LRRFIP2: variants seen among roughly 807,000 people sequenced by gnomAD.
LRRFIP2 encodes leucine-rich repeat flightless-interacting protein 2.
Under a neutral mutation model 125.9 loss-of-function variants are expected in LRRFIP2, and 109 were observed. The ratio of observed to expected loss-of-function variants is 0.87; its 90% CI spans 0.74 to 1.01. The LOEUF (loss-of-function observed/expected upper bound fraction) is 1.01. LRRFIP2 is among the 50% of genes least tolerant of loss of function. The pLI is 0.00. For missense variants in LRRFIP2, 850 were observed against 862.3 expected (o/e 0.99, Z 0.18); for synonymous variants, 291 against 293.1 (o/e 0.99, Z 0.07).
rs545032571 is a variant in LRRFIP2, at chr3:37,165,057, A to C, written c.-56+9482T>G. Among the ~76,000 whole-genome samples the C allele has an allele frequency of 3.3e-5, 5 of 151,930 alleles. No individual in the cohort carries two copies. In the East Asian group the frequency reaches 9.8e-4, roughly 30 times the overall value. On this transcript the variant is annotated intron_variant, in intron 1 of 27. Coordinates refer to ENST00000336686, the MANE Select transcript of LRRFIP2 (RefSeq NM_006309.4). ...GAGACCATCCTGGCTAACATGGTGA[A>C]ACCCCATCTCTACTAAAAATACAAA...
rs2093545431 is a variant in LRRFIP2, at chr3:37,093,070, C to A, written c.1036-1532G>T. 4 of 152,328 alleles carry A rather than the reference C, an allele frequency of 2.6e-5. No homozygotes were observed. In the South Asian group the frequency reaches 8.3e-4, roughly 32 times the overall value. 9.4% of individuals were successfully genotyped at this position (152,328 alleles called of 1,614,324 possible). On this transcript the variant is annotated intron_variant, in intron 17 of 27. Transcript: ENST00000336686. ...GGCCAGGCTGGTCTCAAACTCCTGA[C>A]CTCGTGATCCACCTGCCTTGGCCTC...
chr3:37,090,650 C>T (rs998200649), intron 18 of LRRFIP2, among the ~76,000 whole-genome samples: 2 of 152,140 alleles, frequency 1.3e-5, no homozygotes, highest in Admixed American at 6.5e-5. Context: ...GCATGATAAC[C>T]AAATGCTATG....
At chr3:37,072,152 A>T (rs1199544529) in intron 21 of LRRFIP2, among the ~76,000 whole-genome samples, 2 of 152,190 alleles carry the variant, frequency 1.3e-5, no homozygotes, top group East Asian at 1.9e-4. Flanking sequence ...TAACGTAAGG[A>T]TATCAAGTTA....
intron 15 of LRRFIP2, among the ~76,000 whole-genome samples, chr3:37,098,784 T>A (rs1272928283): frequency 6.6e-6 from 1 of 152,230 alleles, no homozygotes; most frequent in African/African-American, 2.4e-5. Context: ...CAATATTTAA[T>A]GTATTATTCT....
In LRRFIP2 at chr3:37,121,919, CT is replaced by C. The variant is rs201185006; in HGVS notation, c.229-229del. Among the ~76,000 whole-genome samples the C allele has an allele frequency of 6.3e-4, 86 of 136,200 alleles. 1 individual carries two copies. The highest frequency in any genetic ancestry group is 1.3e-3 in the African/African-American group (49 of 36,778). The allele number at this position is 136,200 out of a possible 152,430, so 89.4% of individuals were successfully genotyped here. The stretch of plus-strand genomic sequence containing the variant: ...CAATATAGCAGTACTAGTTTTCTTT[CT>C]TTTTTTTTTTAATTATACTTTAAGT... On this transcript the variant is annotated intron_variant, in intron 4 of 27. Transcript: ENST00000336686.
intron 2 of LRRFIP2, among the ~76,000 whole-genome samples, chr3:37,141,779 T>C (rs2149893151): frequency 1.3e-5 from 2 of 152,108 alleles, no homozygotes; most frequent in South Asian, 4.1e-4. Flanking sequence ...CATCAGACAT[T>C]GTTTGGGCTG....
At chr3:37,056,994 T>C (rs904654110) in intron 25 of LRRFIP2, among the ~76,000 whole-genome samples, 1 of 152,130 alleles carries the variant, frequency 6.6e-6, no homozygotes, top group Non-Finnish European at 1.5e-5. Flanking sequence ...TGAAATCCCA[T>C]TCCAAAACAC....
Position 37,053,735 on chromosome 3 carries a change from G to A in LRRFIP2, c.*116C>T. 1 of 655,334 alleles carries A rather than the reference G, an allele frequency of 1.5e-6. No homozygotes were observed. The highest frequency in any genetic ancestry group is 2.8e-6 in the Non-Finnish European group (1 of 358,560). The allele number at this position is 655,334 out of a possible 1,614,324, so 40.6% of individuals were successfully genotyped here. A position where few individuals can be genotyped will look rare whatever the true frequency, so the allele number is the denominator to read the frequency against. On this transcript the variant is annotated 3_prime_UTR_variant, in exon 28 of 28. Coordinates refer to ENST00000336686, the MANE Select transcript of LRRFIP2 (RefSeq NM_006309.4). ...TCATAAATTATAAAATACAAAGGTG[G>A]CTGTTTTAATGACAAAACTCAAAAC...
chr3:37,101,933 G>C (rs1487421710), intron 15 of LRRFIP2, among the ~76,000 whole-genome samples: 1 of 152,130 alleles, frequency 6.6e-6, no homozygotes. Flanking sequence ...AGTTCCTGAT[G>C]AATGTGGGAG....
At chr3:37,110,623 T>C (rs188567573) in intron 9 of LRRFIP2, among the ~76,000 whole-genome samples, 13 of 152,254 alleles carry the variant, frequency 8.5e-5, no homozygotes, top group Non-Finnish European at 1.8e-4. Flanking sequence ...TTGAAATGTA[T>C]CAAAAACTAA....
At chr3:37,055,352 C>G (rs770213962) in intron 25 of LRRFIP2, among the ~76,000 whole-genome samples, 187 bp from the exon 26 acceptor site, 1 of 152,030 alleles carries the variant, frequency 6.6e-6, no homozygotes, top group Non-Finnish European at 1.5e-5. Context: ...ATCATGAGGT[C>G]AAGAGATAGA....
chr3:37,102,498 C>CTTT (rs751506380), intron 15 of LRRFIP2, among the ~76,000 whole-genome samples: 9 of 120,858 alleles, frequency 7.4e-5, no homozygotes, highest in African/African-American at 1.9e-4. Flanking sequence ...TCAAACAATT[C>CTTT]TTTTTTTTTT....
chr3:37,164,720 C>CAA (rs148231991), intron 1 of LRRFIP2, among the ~76,000 whole-genome samples: 7 of 106,898 alleles, frequency 6.5e-5, no homozygotes, highest in Non-Finnish European at 8.2e-5. Context: ...GACTCCGTCT[C>CAA]AAAAAAAAAA....
intron 19 of LRRFIP2, among the ~76,000 whole-genome samples, chr3:37,075,735 A>G (rs1460805307): frequency 6.6e-6 from 1 of 152,164 alleles, no homozygotes; most frequent in Non-Finnish European, 1.5e-5. Context: ...AACACAAGAA[A>G]AAGTAGCCAG....
intron 2 of LRRFIP2, among the ~76,000 whole-genome samples, chr3:37,147,369 T>A (rs546984387): frequency 4.1e-4 from 63 of 152,284 alleles, no homozygotes; most frequent in South Asian, 1.0e-3. Context: ...GGAATATAAA[T>A]CATTCTATTA....
chr3:37,077,610 G>T (rs956980991), intron 19 of LRRFIP2, among the ~76,000 whole-genome samples: 1 of 152,112 alleles, frequency 6.6e-6, no homozygotes, highest in Non-Finnish European at 1.5e-5. Context: ...GGAGAAAATA[G>T]AGACAGAGAC....
chr3:37,138,550 T>C (rs890893882), intron 2 of LRRFIP2, among the ~76,000 whole-genome samples: 9 of 152,238 alleles, frequency 5.9e-5, no homozygotes, highest in African/African-American at 1.9e-4. Flanking sequence ...AAGTATATAG[T>C]AGTTCCCCCT....
intron 4 of LRRFIP2, among the ~76,000 whole-genome samples, chr3:37,122,150 G>C (rs1275802004): frequency 7.2e-6 from 1 of 138,964 alleles, no homozygotes; most frequent in African/African-American, 2.7e-5. Context: ...TCCCACCTAT[G>C]AGTGAGAACA....
rs1260287942 is a variant in LRRFIP2, at chr3:37,053,967, G to C, written c.2056-6C>G. 1 of 1,526,770 alleles carries C rather than the reference G, an allele frequency of 6.5e-7. No individual in the cohort carries two copies. Among genetic ancestry groups the C allele is most frequent in the Admixed American group, 1.7e-5 (1 of 59,932 alleles). 94.6% of individuals were successfully genotyped at this position (1,526,770 alleles called of 1,614,324 possible). A position where few individuals can be genotyped will look rare whatever the true frequency, so the allele number is the denominator to read the frequency against. ...TTGTCCAGTGCTGTTCGTAACTGGA[G>C]ACAGGGAGAATGCAGTCACTACATG... On this transcript the variant is annotated splice_region_variant and splice_polypyrimidine_tract_variant and intron_variant, in intron 27 of 27. Transcript: ENST00000336686.
Sources: allele counts gnomAD v4.1 joint callset (sites outside exome capture counted in the v4.1 genomes callset), GRCh38; gene constraint gnomAD v4.1.1; transcripts MANE v1.5; gene names NCBI Gene and HGNC (gene_info 2026-07-23, HGNC 2026-07-21).